The following PIK3AP1 variants were observed in gnomAD, a reference collection of about 807,000 sequenced individuals.
PIK3AP1 encodes phosphoinositide-3-kinase adaptor protein 1, also known as phosphoinositide 3-kinase adapter protein 1.
In PIK3AP1, 21 loss-of-function variants were observed where a neutral mutation model predicts 88.1. That is an observed-to-expected ratio of 0.24 (90% CI 0.17 to 0.34). The LOEUF (loss-of-function observed/expected upper bound fraction) is 0.34, where lower values mean the gene tolerates loss of function less well. Ranked by LOEUF, PIK3AP1 falls within the 10% of genes least tolerant of loss-of-function variation. The pLI is 1.00. For missense variants in PIK3AP1, 828 were observed against 1,035.7 expected (o/e 0.80, Z 2.75); for synonymous variants, 398 against 400.0 (o/e 1.00, Z 0.06).
intron 10 of PIK3AP1, among the ~76,000 whole-genome samples, chr10:96,625,237 A>T (rs1429941257): frequency 6.6e-6 from 1 of 152,204 alleles, no homozygotes; most frequent in Non-Finnish European, 1.5e-5. Flanking sequence ...TTAATTCCCC[A>T]GTGCTTTCAA....
chr10:96,624,109 G>A (rs1485847565), intron 10 of PIK3AP1, among the ~76,000 whole-genome samples: 1 of 152,180 alleles, frequency 6.6e-6, no homozygotes, highest in Non-Finnish European at 1.5e-5. Context: ...TAGCTCTGTG[G>A]CTTGTGAACC....
intron 2 of PIK3AP1, among the ~76,000 whole-genome samples, chr10:96,666,680 T>C (rs1260594204): frequency 6.6e-6 from 1 of 152,054 alleles, no homozygotes; most frequent in Non-Finnish European, 1.5e-5. Context: ...ATGATAATGA[T>C]CAAAGTTCCC....
chr10:96,630,241 T>C (rs1167527940), intron 8 of PIK3AP1, among the ~76,000 whole-genome samples: 2 of 152,210 alleles, frequency 1.3e-5, no homozygotes, highest in Non-Finnish European at 2.9e-5. Context: ...GTTACATAAA[T>C]ATAATGTACC....
chr10:96,698,626 G>A (rs1345390661), intron 2 of PIK3AP1, among the ~76,000 whole-genome samples: 3 of 152,144 alleles, frequency 2.0e-5, no homozygotes, highest in African/African-American at 4.8e-5. Flanking sequence ...CCAGCTACTC[G>A]GGAGGCTGAG....
chr10:96,604,063 A>G lies in PIK3AP1; in HGVS notation c.2171-14T>C, dbSNP rs189514125. 59 of 1,564,392 alleles carry G rather than the reference A, an allele frequency of 3.8e-5. 1 individual carries two copies. The highest frequency in any genetic ancestry group is 1.7e-6 in the Non-Finnish European group (2 of 1,143,778). Reference sequence around the variant, plus strand: ...TACTTGTGCTACCTAAAGGGTAGAAAGAAAATCAGCCGGATTGAGGATTCT... The same window carrying G: ...TACTTGTGCTACCTAAAGGGTAGAAGGAAAATCAGCCGGATTGAGGATTCT... On this transcript the variant is annotated splice_polypyrimidine_tract_variant and intron_variant, in intron 14 of 16. Transcript: ENST00000339364.
chr10:96,610,103 T>G (rs2134189978), intron 13 of PIK3AP1, among the ~76,000 whole-genome samples: 1 of 152,136 alleles, frequency 6.6e-6, no homozygotes, highest in East Asian at 1.9e-4. Context: ...AGGAATAGAA[T>G]AATGTGAGAA....
In PIK3AP1 at chr10:96,632,239, T is replaced by G. The variant is rs182541935; in HGVS notation, c.1376-3746A>C. ...GTATCAGTGGCACAACTAGAGAAATTTGAACAAGGTCTATAATTTAGTTAG... is the reference window on the plus strand; with the variant it reads ...GTATCAGTGGCACAACTAGAGAAATGTGAACAAGGTCTATAATTTAGTTAG... On this transcript the variant is annotated intron_variant, in intron 8 of 16. Transcript: ENST00000339364. Among the ~76,000 whole-genome samples the G allele has an allele frequency of 1.4e-3, 215 of 152,256 alleles. 2 individuals are homozygous for G. Among genetic ancestry groups the G allele is most frequent in the Non-Finnish European group, 4.1e-4 (28 of 68,012 alleles).
intron 8 of PIK3AP1, among the ~76,000 whole-genome samples, chr10:96,629,930 AAAGAAGAAGAAG>A (rs61662185): frequency 0.025 from 349 of 13,704 alleles, 4 homozygotes; most frequent in African/African-American, 0.049. Context: ...AAAAAAAAAA[AAAGAAGAAGAAG>A]AAGAAGAAGA....
chr10:96,672,056 A>G (rs1564979181), intron 2 of PIK3AP1, among the ~76,000 whole-genome samples: 6 of 152,190 alleles, frequency 3.9e-5, no homozygotes, highest in Admixed American at 3.3e-4. Context: ...AAAGAAAAAA[A>G]AATACAGTCA....
At chr10:96,685,852 TA>T (rs1355472023) in intron 2 of PIK3AP1, among the ~76,000 whole-genome samples, 1 of 152,114 alleles carries the variant, frequency 6.6e-6, no homozygotes, top group Non-Finnish European at 1.5e-5. Context: ...TGCTGAGTAG[TA>T]AGTCCCAGAT....
At position 96,700,901 on chromosome 10, in the gene PIK3AP1, C is replaced by T. The variant is rs574078033; in HGVS notation, c.430+8666G>A. The T allele has an allele frequency of 7.8e-5, 77 of 985,080 alleles. 1 individual carries two copies. Among genetic ancestry groups the T allele is most frequent in the Admixed American group, 6.8e-4 (11 of 16,202 alleles). 61.0% of individuals were successfully genotyped at this position (985,080 alleles called of 1,614,324 possible). ...TCTCTCAGGGCTGCTGCCTGTGACGCGCCAAGGCCAGGCTCTGAGCCCCTT... is the reference window on the plus strand; with the variant it reads ...TCTCTCAGGGCTGCTGCCTGTGACGTGCCAAGGCCAGGCTCTGAGCCCCTT... On this transcript the variant is annotated intron_variant, in intron 2 of 16. Coordinates refer to ENST00000339364, the MANE Select transcript of PIK3AP1 (RefSeq NM_152309.3).
At chr10:96,620,184 C>G (rs1167931951) in intron 12 of PIK3AP1, among the ~76,000 whole-genome samples, 168 bp downstream of exon 12, 3 of 152,080 alleles carry the variant, frequency 2.0e-5, no homozygotes, top group Non-Finnish European at 4.4e-5. Flanking sequence ...GGTTACAGAC[C>G]GAGGTGACAC....
At chr10:96,602,176 C>T (rs1848909254) in intron 16 of PIK3AP1, 104 bp downstream of exon 16, 3 of 1,017,220 alleles carry the variant, frequency 2.9e-6, no homozygotes, top group Admixed American at 4.8e-5. Flanking sequence ...AGCCACTGCG[C>T]CCAGCTCTGC....
intron 7 of PIK3AP1, among the ~76,000 whole-genome samples, chr10:96,646,393 T>C (rs900635630): frequency 1.3e-5 from 2 of 152,214 alleles, no homozygotes; most frequent in East Asian, 1.9e-4. Flanking sequence ...AGTTTACAGA[T>C]GAGAAAAACA....
chr10:96,609,814 C>T lies in PIK3AP1; in HGVS notation c.2068G>A (p.Glu690Lys). ...GGGCCACTCTCATAGACTCCAAACTCCACTTTTGCAGGCAGGTGCTGTGAG... is the reference window on the plus strand; with the variant it reads ...GGGCCACTCTCATAGACTCCAAACTTCACTTTTGCAGGCAGGTGCTGTGAG... ...RHSQHLPAKV[E>K]FGVYESGPRK... Residue 690 changes from glutamate (E) to lysine (K), a missense_variant, in exon 14 of 17, where the codon GAG (glutamate) becomes AAG (lysine). By Grantham distance (56) the Glu-to-Lys change is moderately conservative. Transcript: ENST00000339364. 6.2e-7 allele frequency: 1 copy of T among 1,614,146 alleles called. No homozygotes were observed. The highest frequency in any genetic ancestry group is 8.5e-7 in the Non-Finnish European group (1 of 1,179,986).
chr10:96,711,720 CCCAGGATGAGATTA>C (rs1239050671), intron 1 of PIK3AP1, among the ~76,000 whole-genome samples: 1 of 147,916 alleles, frequency 6.8e-6, no homozygotes, highest in Admixed American at 6.7e-5. Context: ...TCTGATTTCC[CCCAGGATGAGATTA>C]CCAAATTTTT....
chr10:96,643,165 C>T (rs1054879071), intron 8 of PIK3AP1, among the ~76,000 whole-genome samples: 1 of 152,160 alleles, frequency 6.6e-6, no homozygotes, highest in Non-Finnish European at 1.5e-5. Flanking sequence ...TAGGGGGCGC[C>T]AGAGGCTGCT....
At chr10:96,656,960 T>C in intron 2 of PIK3AP1, 26 bp from the exon 3 acceptor site, 1 of 1,611,564 alleles carries the variant, frequency 6.2e-7, no homozygotes, top group Non-Finnish European at 8.5e-7. Context: ...CACCGCTGAA[T>C]GGGAACGGCA....
intron 14 of PIK3AP1, among the ~76,000 whole-genome samples, chr10:96,606,817 T>C (rs980342042): frequency 6.6e-6 from 1 of 152,240 alleles, no homozygotes; most frequent in Non-Finnish European, 1.5e-5. Context: ...TAGCTCAGTA[T>C]ACAAAGAGCT....
Sources: gnomAD v4.1 joint callset for allele counts (sites outside exome capture counted in the v4.1 genomes callset) on GRCh38, gnomAD v4.1.1 for gene constraint, MANE v1.5 for transcripts, NCBI Gene and HGNC (gene_info 2026-07-23, HGNC 2026-07-21) for gene names.